Variants in FHL2 observed in about 807,000 individuals in gnomAD.
The protein encoded by FHL2 is four and a half LIM domains 2.
FHL2 carries 20 observed loss-of-function variants against 32.7 expected under a neutral mutation model. The observed-to-expected ratio is 0.61, with a 90% CI of 0.43 to 0.89. The LOEUF is 0.89. Among genes scored for constraint, FHL2 ranks in the 40% least tolerant of loss-of-function variants. FHL2 has a pLI of 0.00. For synonymous variants in FHL2, 123 were observed against 128.1 expected, an observed-to-expected ratio of 0.96 and a Z score of 0.27; for missense variants, 311 against 358.6, an observed-to-expected ratio of 0.87 and a Z score of 1.07.
intron 1 of FHL2, among the ~76,000 whole-genome samples, chr2:105,421,707 G>A (rs1684107330): frequency 6.6e-6 from 1 of 152,164 alleles, no homozygotes; most frequent in South Asian, 2.1e-4. Flanking sequence ...GTCTAGCTCA[G>A]TTATACTATG....
At chr2:105,374,602 G>C (rs1681332565) in intron 3 of FHL2, 1 of 152,168 alleles carries the variant, frequency 6.6e-6, no homozygotes, top group Non-Finnish European at 1.5e-5. Flanking sequence ...TGAGAAGACA[G>C]ACGTGTGCTT....
chr2:105,432,360 A>G (rs1296523611), intron 1 of FHL2, among the ~76,000 whole-genome samples: 1 of 152,136 alleles, frequency 6.6e-6, no homozygotes, highest in Non-Finnish European at 1.5e-5. Flanking sequence ...TCTGAACCTA[A>G]CTGATTTGAC....
intron 3 of FHL2, among the ~76,000 whole-genome samples, chr2:105,381,082 G>A (rs927727322): frequency 6.6e-6 from 1 of 152,154 alleles, no homozygotes; most frequent in Non-Finnish European, 1.5e-5. Context: ...GGGTCACCCA[G>A]ACTGAAACGT....
chr2:105,387,105 G>C (rs183251950), intron 2 of FHL2, among the ~76,000 whole-genome samples: 22 of 152,216 alleles, frequency 1.4e-4, no homozygotes, highest in African/African-American at 4.8e-4. Context: ...TTTTTACTGT[G>C]TCAGAAAAAG....
intron 4 of FHL2, among the ~76,000 whole-genome samples, chr2:105,371,070 T>C (rs1047605959): frequency 1.3e-5 from 2 of 152,156 alleles, no homozygotes; most frequent in African/African-American, 4.8e-5. Flanking sequence ...CACTGAACAT[T>C]AGGTTTTTAC....
rs574840515 is a variant in FHL2 at position 105,366,796 on chromosome 2, A to G, written c.501+774T>C. ...AGTCTCGCTCAGTCGCCCAGGCTGG[A>G]GTGCAGTGGTGGGATCTTGGCTCAC... On this transcript the variant is annotated intron_variant, in intron 5 of 6. Transcript: ENST00000530340. Among the ~76,000 whole-genome samples, 10 of 152,276 alleles carry G rather than the reference A, an allele frequency of 6.6e-5. No individual in the cohort carries two copies. The South Asian group carries it at 1.7e-3, about 25-fold the overall frequency.
At chr2:105,361,492 C>T (rs748104388) in intron 6 of FHL2, 58 bp from the exon 7 acceptor site, 11 of 1,498,060 alleles carry the variant, frequency 7.3e-6, no homozygotes, top group Non-Finnish European at 1.0e-5. Flanking sequence ...GCAACTGGGA[C>T]TGAAGAAGGA....
At position 105,405,738 on chromosome 2, in the gene FHL2, A is replaced by G. The variant is rs867067587; in HGVS notation, c.-24-19198T>C. On this transcript the variant is annotated intron_variant, in intron 1 of 5. Transcript: ENST00000393352. Reference sequence around the variant, plus strand: ...AGGGTCATTAACAGAAAATCCCAATAGTCTAACTAGAAAGAGCCTGGACTG... The same window carrying G: ...AGGGTCATTAACAGAAAATCCCAATGGTCTAACTAGAAAGAGCCTGGACTG... Among the ~76,000 whole-genome samples the G allele has an allele frequency of 7.2e-5, 11 of 152,356 alleles. No individual in the cohort carries two copies. In the East Asian group the frequency reaches 2.1e-3, roughly 29 times the overall value.
intron 2 of FHL2, among the ~76,000 whole-genome samples, chr2:105,390,852 A>G (rs991457449): frequency 6.7e-6 from 1 of 150,180 alleles, no homozygotes; most frequent in Non-Finnish European, 1.5e-5. Flanking sequence ...GCTGGAGTGC[A>G]GTGGCATGAT....
intron 1 of FHL2, among the ~76,000 whole-genome samples, chr2:105,419,788 A>C (rs1240438587): frequency 6.6e-6 from 1 of 152,200 alleles, no homozygotes; most frequent in African/African-American, 2.4e-5. Context: ...TTAAAATAAT[A>C]ACATAAAATA....
At chr2:105,410,207 AGGCGGAGGCC>A (rs753758675) in intron 1 of FHL2, among the ~76,000 whole-genome samples, 4 of 152,254 alleles carry the variant, frequency 2.6e-5, no homozygotes, top group Non-Finnish European at 5.9e-5. Context: ...AAAAGGAATC[AGGCGGAGGCC>A]GGAGAGGCAG....
intron 1 of FHL2, among the ~76,000 whole-genome samples, chr2:105,421,119 T>C (rs1684092064): frequency 6.6e-6 from 1 of 152,256 alleles, no homozygotes; most frequent in Non-Finnish European, 1.5e-5. Flanking sequence ...AGACTCCATG[T>C]GGTCCAGTGC....
intron 1 of FHL2, among the ~76,000 whole-genome samples, chr2:105,429,638 C>T (rs895063315): frequency 6.6e-6 from 1 of 152,210 alleles, no homozygotes; most frequent in African/African-American, 2.4e-5. Flanking sequence ...AGACCTGTTT[C>T]AGACTTCTGA....
intron 1 of FHL2, among the ~76,000 whole-genome samples, chr2:105,423,069 G>A (rs1055840891): frequency 6.6e-6 from 1 of 152,166 alleles, no homozygotes; most frequent in African/African-American, 2.4e-5. Flanking sequence ...CTCAGGAAGT[G>A]GTATCAAGCG....
intron 2 of FHL2, among the ~76,000 whole-genome samples, chr2:105,386,800 T>C (rs1305772153): frequency 6.8e-6 from 1 of 148,048 alleles, no homozygotes; most frequent in African/African-American, 2.5e-5. Flanking sequence ...AGTCTTGTTC[T>C]TTTGCCCAGG....
At chr2:105,378,123 C>T (rs561030975) in intron 3 of FHL2, 2 of 471,224 alleles carry the variant, frequency 4.2e-6, no homozygotes, top group Non-Finnish European at 8.8e-6. Flanking sequence ...CATGCCTGCA[C>T]AGACATGGAA....
chr2:105,427,620 C>A (rs1684305419), intron 1 of FHL2, among the ~76,000 whole-genome samples: 1 of 152,156 alleles, frequency 6.6e-6, no homozygotes, highest in African/African-American at 2.4e-5. Context: ...GGAGTTACAT[C>A]ATTGGTCTGC....
intron 1 of FHL2, among the ~76,000 whole-genome samples, chr2:105,417,478 G>A (rs750754528): frequency 6.6e-6 from 1 of 152,068 alleles, no homozygotes; most frequent in African/African-American, 2.4e-5. Context: ...TGAGCTCAGA[G>A]TTCGCGATCA....
At chr2:105,425,260 G>A (rs1444044244) in intron 1 of FHL2, among the ~76,000 whole-genome samples, 4 of 152,250 alleles carry the variant, frequency 2.6e-5, no homozygotes, top group Middle Eastern at 3.4e-3. Flanking sequence ...TGTGCAGGAC[G>A]TGCCTTGTTA....
Sources: allele counts gnomAD v4.1 joint callset (sites outside exome capture counted in the v4.1 genomes callset), GRCh38; gene constraint gnomAD v4.1.1; transcripts MANE v1.5; gene names NCBI Gene and HGNC (gene_info 2026-07-23, HGNC 2026-07-21).